The following MEGF10 variants were observed in gnomAD, a reference collection of about 807,000 sequenced individuals.
MEGF10 encodes the protein multiple epidermal growth factor-like domains protein 10.
MEGF10 carries 86 observed loss-of-function variants against 147.5 expected under a neutral mutation model. The observed-to-expected ratio is 0.58, with a 90% CI of 0.49 to 0.70. The LOEUF is 0.70. Among genes scored for constraint, MEGF10 ranks in the 30% least tolerant of loss-of-function variants. MEGF10 has a pLI of 0.00. For missense variants in MEGF10, 1,329 were observed against 1,487.3 expected, an observed-to-expected ratio of 0.89 and a Z score of 1.75; for synonymous variants, 478 against 525.5, an observed-to-expected ratio of 0.91 and a Z score of 1.24.
chr5:127,453,145 A>G (rs374675764), intron 22 of MEGF10, among the ~76,000 whole-genome samples: 8 of 152,220 alleles, frequency 5.3e-5, no homozygotes, highest in African/African-American at 1.9e-4. Flanking sequence ...ACATTCTCAA[A>G]TACTTACCTG....
intron 5 of MEGF10, among the ~76,000 whole-genome samples, chr5:127,394,518 G>T (rs1047589086): frequency 3.9e-5 from 6 of 152,206 alleles, no homozygotes; most frequent in Middle Eastern, 3.4e-3. Flanking sequence ...AGTTACAAAG[G>T]CCTGTGTAAT....
chr5:127,351,612 T>G (rs1367101733), intron 4 of MEGF10, among the ~76,000 whole-genome samples: 1 of 152,216 alleles, frequency 6.6e-6, no homozygotes, highest in Non-Finnish European at 1.5e-5. Context: ...GAATTAGATT[T>G]GGCTATGTAG....
chr5:127,270,508 G>A, the MEGF10 span, among the ~76,000 whole-genome samples: 1 of 152,096 alleles, frequency 6.6e-6, no homozygotes, highest in Admixed American at 6.5e-5. Context: ...AGTGGTAAAG[G>A]GATCAATTCA....
At chr5:127,251,702 A>T in the MEGF10 span, among the ~76,000 whole-genome samples, 1 of 152,066 alleles carries the variant, frequency 6.6e-6, no homozygotes, top group African/African-American at 2.4e-5. Flanking sequence ...AGTACTAGAC[A>T]TAGCTGCAGA....
intron 2 of MEGF10, among the ~76,000 whole-genome samples, chr5:127,338,360 G>T (rs561065205): frequency 6.6e-6 from 1 of 152,104 alleles, no homozygotes; most frequent in Non-Finnish European, 1.5e-5. Flanking sequence ...AAGAAGTCTG[G>T]AATTCAACAG....
chr5:127,315,926 T>G (rs1258159921), intron 1 of MEGF10, among the ~76,000 whole-genome samples: 1 of 152,234 alleles, frequency 6.6e-6, no homozygotes, highest in Non-Finnish European at 1.5e-5. Context: ...GTCTTTCAGT[T>G]GCTGTAGACC....
chr5:127,396,661 G>A lies in MEGF10; in HGVS notation c.542G>A (p.Arg181His), dbSNP rs377547826. ...AGFRGWRCED[R>H]CEQGTYGNDC... is the part of the protein sequence containing the mutation. ...TTCCGGGGCTGGCGCTGCGAGGACC[G>A]CTGTGAGCAGGGCACCTATGGTAAC... Residue 181 changes from arginine (R) to histidine (H), a missense_variant, in exon 6 of 25, where the codon CGC (arginine) becomes CAC (histidine). Transcript: ENST00000503335. 20 of 1,614,092 alleles carry A rather than the reference G, an allele frequency of 1.2e-5. No individual in the cohort carries two copies. Among genetic ancestry groups the A allele is most frequent in the Admixed American group, 1.0e-4 (6 of 60,036 alleles).
the MEGF10 span, among the ~76,000 whole-genome samples, chr5:127,279,426 C>A: frequency 4.6e-5 from 7 of 152,010 alleles, no homozygotes; most frequent in African/African-American, 1.7e-4. Context: ...GAAAGGAGAT[C>A]CTGGAACTGA....
At chr5:127,399,024 T>G (rs1376617110) in intron 7 of MEGF10, among the ~76,000 whole-genome samples, 1 of 152,216 alleles carries the variant, frequency 6.6e-6, no homozygotes, top group East Asian at 1.9e-4. Flanking sequence ...GGTTGTCATG[T>G]AAAGGGTAGT....
intron 10 of MEGF10, 101 bp from the exon 11 acceptor site, chr5:127,419,019 G>T: frequency 7.5e-7 from 1 of 1,340,642 alleles, no homozygotes; most frequent in Non-Finnish European, 1.0e-6. Context: ...AAATTAGAGA[G>T]GAAGTATAAT....
chr5:127,391,148 A>C, intron 5 of MEGF10, among the ~76,000 whole-genome samples: 1 of 39,544 alleles, frequency 2.5e-5, no homozygotes, highest in Non-Finnish European at 1.0e-4. Context: ...ACACACACAC[A>C]CACACATACA....
the MEGF10 span, among the ~76,000 whole-genome samples, chr5:127,237,215 G>A: frequency 3.3e-5 from 5 of 152,140 alleles, no homozygotes; most frequent in East Asian, 1.9e-4. Context: ...ATTTAACTTC[G>A]GCCAGGCGTG....
At chr5:127,296,205 A>G (rs1759492486) in intron 1 of MEGF10, among the ~76,000 whole-genome samples, 1 of 152,224 alleles carries the variant, frequency 6.6e-6, no homozygotes, top group Non-Finnish European at 1.5e-5. Flanking sequence ...ATAGAACTTT[A>G]TTTGTGGAAT....
At chr5:127,255,873 G>T in the MEGF10 span, among the ~76,000 whole-genome samples, 2 of 152,100 alleles carry the variant, frequency 1.3e-5, no homozygotes, top group East Asian at 3.8e-4. Flanking sequence ...TGGATTCTAT[G>T]TCTTCCTCTT....
rs144187055 is a variant in MEGF10, at chr5:127,402,642, A to G, written c.877A>G (p.Thr293Ala). The G allele has an allele frequency of 4.0e-5, 65 of 1,614,160 alleles. No individual in the cohort carries two copies. The African/African-American group carries it at 7.1e-4, about 18-fold the overall frequency. ...CHNGGTCDAATGQCHCSPGYT... is the reference protein window; with the variant it reads ...CHNGGTCDAAAGQCHCSPGYT... Reference sequence around the variant, plus strand: ...TAATGGAGGGACGTGTGATGCTGCCACAGGCCAATGTCATTGCAGTCCAGG... The same window carrying G: ...TAATGGAGGGACGTGTGATGCTGCCGCAGGCCAATGTCATTGCAGTCCAGG... The change falls in exon 8 of 25, where the codon ACA (threonine) becomes GCA (alanine). Residue 293 changes from threonine to alanine, a missense_variant. Physicochemically the swap from Thr to Ala is moderately conservative, Grantham distance 58. Coordinates refer to ENST00000503335, the MANE Select transcript of MEGF10 (RefSeq NM_001256545.2).
At chr5:127,409,304 ACT>A (rs1764461097) in intron 8 of MEGF10, among the ~76,000 whole-genome samples, 1 of 152,088 alleles carries the variant, frequency 6.6e-6, no homozygotes, top group Non-Finnish European at 1.5e-5. Flanking sequence ...TACATTTCTG[ACT>A]CTGGTTCTGG....
intron 1 of MEGF10, among the ~76,000 whole-genome samples, chr5:127,315,765 C>A (rs1000204048): frequency 1.3e-5 from 2 of 152,122 alleles, no homozygotes; most frequent in African/African-American, 2.4e-5. Context: ...CAGAGTGAGA[C>A]CCTGTCTTAA....
chr5:127,401,493 A>G (rs750675960), intron 7 of MEGF10, among the ~76,000 whole-genome samples: 42 of 152,190 alleles, frequency 2.8e-4, no homozygotes, highest in Non-Finnish European at 5.1e-4. Flanking sequence ...AGTTAGAGGA[A>G]GTGTATTTTC....
chr5:127,447,413 G>A lies in MEGF10; in HGVS notation c.2729-144G>A, dbSNP rs375282775. ...AGGATGGTCTCGATCTCCTGACCTCGTCATCTGCCCGCCTTGGCCTCCCAA... is the reference window on the plus strand; with the variant it reads ...AGGATGGTCTCGATCTCCTGACCTCATCATCTGCCCGCCTTGGCCTCCCAA... On this transcript the variant is annotated intron_variant, in intron 20 of 24. Transcript: ENST00000503335. The A allele has an allele frequency of 1.9e-4, 191 of 984,634 alleles. 1 individual carries two copies. In the East Asian group the frequency reaches 3.2e-3, roughly 16 times the overall value. The allele number at this position is 984,634 out of a possible 1,614,324, so 61.0% of individuals were successfully genotyped here.
Sources: gnomAD v4.1 joint callset for allele counts (sites outside exome capture counted in the v4.1 genomes callset) on GRCh38, gnomAD v4.1.1 for gene constraint, MANE v1.5 for transcripts, NCBI Gene and HGNC (gene_info 2026-07-23, HGNC 2026-07-21) for gene names.